The following NETO2 variants were observed in gnomAD, a reference collection of about 807,000 sequenced individuals.
NETO2 encodes neuropilin and tolloid like 2, also known as neuropilin and tolloid-like protein 2.
In NETO2, 28 loss-of-function variants were observed where a neutral mutation model predicts 62.5. The ratio of observed to expected loss-of-function variants is 0.45; its 90% CI spans 0.33 to 0.61. The LOEUF is 0.61. Among genes scored for constraint, NETO2 ranks in the 20% least tolerant of loss-of-function variants. The pLI is 0.02. For missense variants in NETO2, 548 were observed against 643.2 expected, an observed-to-expected ratio of 0.85 and a Z score of 1.60; for synonymous variants, 214 against 219.1, an observed-to-expected ratio of 0.98 and a Z score of 0.21.
chr16:47,079,031 C>T lies in NETO2; in HGVS notation c.*4190G>A, dbSNP rs1963018115. ...GCGCCTTGGCTCACTCCTGTAATCC[C>T]AGCACTTTGGGAGGCCGAGGCGGGC... On this transcript the variant is annotated 3_prime_UTR_variant, in exon 9 of 9. Transcript: ENST00000562435. 1 of 152,270 alleles carries T rather than the reference C, an allele frequency of 6.6e-6. No homozygotes were observed. Among genetic ancestry groups the T allele is most frequent in the African/African-American group, 2.4e-5 (1 of 41,470 alleles). The allele number at this position is 152,270 out of a possible 1,614,324, so 9.4% of individuals were successfully genotyped here. A position where few individuals can be genotyped will look rare whatever the true frequency, so the allele number is the denominator to read the frequency against.
At chr16:47,110,555 G>A (rs1433166421) in intron 6 of NETO2, among the ~76,000 whole-genome samples, 2 of 152,192 alleles carry the variant, frequency 1.3e-5, no homozygotes, top group Non-Finnish European at 2.9e-5. Flanking sequence ...GACTCTAAAT[G>A]TGCGTCCTTC....
chr16:47,096,060 T>C (rs977308250), intron 7 of NETO2, among the ~76,000 whole-genome samples: 5 of 152,128 alleles, frequency 3.3e-5, no homozygotes, highest in Non-Finnish European at 7.4e-5. Context: ...TACACAACTT[T>C]TAAAGCTGTG....
At chr16:47,120,835 A>AT (rs1567394106) in intron 6 of NETO2, among the ~76,000 whole-genome samples, 4 of 151,082 alleles carry the variant, frequency 2.6e-5, no homozygotes, top group South Asian at 2.1e-4. Flanking sequence ...TGTCACTTAA[A>AT]TTTTTTTTTC....
rs755419913 is a variant in NETO2 at position 47,086,217 on chromosome 16, C to T, written c.997+9G>A. On this transcript the variant is annotated intron_variant, in intron 8 of 8. Transcript: ENST00000562435. ...TTCTCAAAAATGTTGGCCTTTACAT[C>T]AAACTCACCTTTACAATGATTTTCA... The T allele has an allele frequency of 5.8e-6, 9 of 1,543,196 alleles. No individual in the cohort carries two copies. Among genetic ancestry groups the T allele is most frequent in the Non-Finnish European group, 8.1e-6 (9 of 1,115,824 alleles).
chr16:47,143,173 T>C (rs1964499250), intron 1 of NETO2, among the ~76,000 whole-genome samples: 1 of 152,124 alleles, frequency 6.6e-6, no homozygotes, highest in Non-Finnish European at 1.5e-5. Flanking sequence ...GAATTACTTT[T>C]TGCCATCACA....
At chr16:47,131,260 C>T (rs1009735362) in intron 2 of NETO2, among the ~76,000 whole-genome samples, 13 of 152,048 alleles carry the variant, frequency 8.5e-5, no homozygotes, top group African/African-American at 2.7e-4. Flanking sequence ...GCTAAATTCT[C>T]ATCTTCCACG....
At chr16:47,095,413 AT>A (rs1250891550) in intron 7 of NETO2, among the ~76,000 whole-genome samples, 2 of 152,212 alleles carry the variant, frequency 1.3e-5, no homozygotes, top group African/African-American at 4.8e-5. Flanking sequence ...TGCAGAATTG[AT>A]GGGAAAAAAC....
chr16:47,091,672 T>G (rs1282581939), intron 7 of NETO2, among the ~76,000 whole-genome samples: 2 of 152,170 alleles, frequency 1.3e-5, no homozygotes, highest in Non-Finnish European at 2.9e-5. Flanking sequence ...GTACCTAGAC[T>G]TTGCATAAAA....
chr16:47,102,860 C>T (rs1963585191), intron 7 of NETO2, among the ~76,000 whole-genome samples: 1 of 152,140 alleles, frequency 6.6e-6, no homozygotes, highest in African/African-American at 2.4e-5. Flanking sequence ...TAAATTAGTT[C>T]AACCATCGTA....
chr16:47,109,523 C>A lies in NETO2; in HGVS notation c.843G>T (p.Arg281=). ...VIRMWADEGS[R]LSRFRMLFTS... is the part of the protein sequence containing the mutation. ...TAAAGAGCATTCGAAACCTGCTAAG[C>A]CGACTACCTTCATCTGCCCACATTC... Residue 281 remains arginine (R), a synonymous_variant, in exon 7 of 9, where the codon CGG becomes CGT. Transcript: ENST00000562435. 1 of 1,614,044 alleles carries A rather than the reference C, an allele frequency of 6.2e-7. No individual in the cohort carries two copies. Among genetic ancestry groups the A allele is most frequent in the South Asian group, 1.1e-5 (1 of 91,080 alleles).
At chr16:47,112,304 TTTTAACA>T (rs1289576793) in intron 6 of NETO2, among the ~76,000 whole-genome samples, 40 of 152,200 alleles carry the variant, frequency 2.6e-4, no homozygotes, top group African/African-American at 8.7e-4. Context: ...TAATGGTGAC[TTTTAACA>T]TTTAATTTAG....
At chr16:47,118,380 T>C (rs1277215229) in intron 6 of NETO2, among the ~76,000 whole-genome samples, 3 of 152,182 alleles carry the variant, frequency 2.0e-5, no homozygotes, top group Non-Finnish European at 4.4e-5. Flanking sequence ...CATTAGTGCT[T>C]CCCTGCTCTA....
intron 6 of NETO2, among the ~76,000 whole-genome samples, chr16:47,119,550 T>C (rs370705142): frequency 1.3e-5 from 2 of 152,152 alleles, no homozygotes; most frequent in East Asian, 1.9e-4. Context: ...TTATTCTTTT[T>C]GTATCTTCGT....
chr16:47,140,471 C>A (rs931630365), intron 1 of NETO2, among the ~76,000 whole-genome samples: 6 of 152,046 alleles, frequency 3.9e-5, no homozygotes, highest in African/African-American at 9.7e-5. Context: ...TCTATCTTTT[C>A]TAAAAAGGAC....
At chr16:47,139,326 CA>C (rs1366361406) in intron 1 of NETO2, among the ~76,000 whole-genome samples, 2 of 152,258 alleles carry the variant, frequency 1.3e-5, no homozygotes, top group East Asian at 3.9e-4. Context: ...AATGCGAGCA[CA>C]AATCAGGGGA....
chr16:47,091,506 G>T (rs1008081600), intron 7 of NETO2, among the ~76,000 whole-genome samples: 1 of 152,122 alleles, frequency 6.6e-6, no homozygotes, highest in Non-Finnish European at 1.5e-5. Flanking sequence ...GAAATTGGTG[G>T]AATTAATTTG....
At chr16:47,142,284 T>C (rs1388727232) in intron 1 of NETO2, among the ~76,000 whole-genome samples, 1 of 152,222 alleles carries the variant, frequency 6.6e-6, no homozygotes, top group Non-Finnish European at 1.5e-5. Flanking sequence ...GAAATATTCA[T>C]CAGCTAGAAA....
chr16:47,107,004 ACTCCTGAC>A (rs1963690784), intron 7 of NETO2, among the ~76,000 whole-genome samples: 1 of 151,876 alleles, frequency 6.6e-6, no homozygotes, highest in African/African-American at 2.4e-5. Context: ...CTGGTCTCAA[ACTCCTGAC>A]CTCAAGTGAT....
intron 7 of NETO2, among the ~76,000 whole-genome samples, chr16:47,107,420 TAGAA>T (rs1326553698): frequency 6.6e-6 from 1 of 152,140 alleles, no homozygotes. Flanking sequence ...AAGTTAAACA[TAGAA>T]AGAACTGTAC....
Sources: gnomAD v4.1 joint callset for allele counts (sites outside exome capture counted in the v4.1 genomes callset) on GRCh38, gnomAD v4.1.1 for gene constraint, MANE v1.5 for transcripts, NCBI Gene and HGNC (gene_info 2026-07-23, HGNC 2026-07-21) for gene names.